Variants in SERPINB9 observed in about 807,000 individuals in gnomAD.
The protein encoded by SERPINB9 is serpin B9.
SERPINB9 carries 20 observed loss-of-function variants against 27.2 expected under a neutral mutation model. That is an observed-to-expected ratio of 0.74 (90% CI 0.52 to 1.07). The LOEUF is 1.07. Ranked by LOEUF, SERPINB9 falls within the 50% of genes least tolerant of loss-of-function variation. The probability of loss-of-function intolerance (pLI) is 0.00; values close to 1 mark genes in which losing one functional copy is unlikely to be tolerated. For missense variants in SERPINB9, 476 were observed against 460.1 expected, an observed-to-expected ratio of 1.03 and a Z score of -0.32; for synonymous variants, 189 against 180.0, an observed-to-expected ratio of 1.05 and a Z score of -0.40.
In SERPINB9 at chr6:2,894,627, G is replaced by A. The variant is rs1423921360; in HGVS notation, c.424+764C>T. On this transcript the variant is annotated intron_variant, in intron 4 of 6. Transcript: ENST00000380698. This position sits in a 1 kb window ranked among gnomAD's most constrained non-coding sequence, Gnocchi z 4.7. The stretch of plus-strand genomic sequence containing the variant: ...CAGCCCAAGTGTATACCTCAGGCAA[G>A]ATCTGTCCACCAATCTCCTTCTCGC... Among the ~76,000 whole-genome samples the A allele has an allele frequency of 3.3e-5, 5 of 152,332 alleles. No individual in the cohort carries two copies. Among genetic ancestry groups the A allele is most frequent in the Admixed American group, 2.0e-4 (3 of 15,304 alleles).
At chr6:2,898,088 C>G (rs1198473893) in intron 2 of SERPINB9, among the ~76,000 whole-genome samples, 1 of 149,968 alleles carries the variant, frequency 6.7e-6, no homozygotes, top group Non-Finnish European at 1.5e-5. Context: ...AAAAACAAAA[C>G]AAAACAAACA....
chr6:2,890,116 G>C lies in SERPINB9; in HGVS notation c.*47C>G. ...CTCTTGGAGCTGTAGTGGGGATCTG[G>C]GGACACAGGAAGAGGGAAATGGCCG... is the stretch of plus-strand genomic sequence containing the variant. On this transcript the variant is annotated 3_prime_UTR_variant, in exon 7 of 7. Transcript: ENST00000380698. The surrounding 1 kb of genome is among the most constrained non-coding windows in gnomAD (Gnocchi z 6.2). The C allele has an allele frequency of 1.3e-6, 2 of 1,572,696 alleles. No individual in the cohort carries two copies. Among genetic ancestry groups the C allele is most frequent in the Non-Finnish European group, 1.7e-6 (2 of 1,156,144 alleles).
chr6:2,894,236 T>G lies in SERPINB9; in HGVS notation c.425-683A>C, dbSNP rs1194828852. On this transcript the variant is annotated intron_variant, in intron 4 of 6. Transcript: ENST00000380698. The surrounding 1 kb of genome is among the most constrained non-coding windows in gnomAD (Gnocchi z 4.7). ...ATGCGGGAAACAACTGCTGAGACTT[T>G]AAGCGAAGAACGTCTCCCATTCTTT... Among the ~76,000 whole-genome samples the G allele has an allele frequency of 1.3e-5, 2 of 152,298 alleles. No individual in the cohort carries two copies. Among genetic ancestry groups the G allele is most frequent in the East Asian group, 1.9e-4 (1 of 5,186 alleles).
At chr6:2,897,322 C>T (rs370255148) in intron 2 of SERPINB9, among the ~76,000 whole-genome samples, 8 of 151,886 alleles carry the variant, frequency 5.3e-5, no homozygotes, top group African/African-American at 1.5e-4. Flanking sequence ...GAAAATTAGC[C>T]GGGTGTGGTG....
At position 2,890,561 on chromosome 6, in the gene SERPINB9, T is replaced by G. The variant is rs1561642904; in HGVS notation, c.733A>C (p.Ser245Arg). Reference sequence around the variant, plus strand: ...GCTGTGAGTTTCTCAAAAGTGAGACTTTTTTCCACCTGAAAGACCAGAATT... The same window carrying G: ...GCTGTGAGTTTCTCAAAAGTGAGACGTTTTTCCACCTGAAAGACCAGAATT... ...DGVELSTVEK[S>R]LTFEKLTAWT... The change falls in exon 7 of 7, where the codon AGT becomes CGT. Residue 245 changes from serine to arginine, a missense_variant. Coordinates refer to ENST00000380698, the MANE Select transcript of SERPINB9 (RefSeq NM_004155.6). This position sits in a 1 kb window ranked among gnomAD's most constrained non-coding sequence, Gnocchi z 6.2. The G allele has an allele frequency of 6.2e-7, 1 of 1,606,234 alleles. No homozygotes were observed. The highest frequency in any genetic ancestry group is 8.5e-7 in the Non-Finnish European group (1 of 1,173,922).
chr6:2,897,489 T>G (rs891442362), intron 2 of SERPINB9, among the ~76,000 whole-genome samples: 3 of 152,068 alleles, frequency 2.0e-5, no homozygotes, highest in East Asian at 3.9e-4. Flanking sequence ...ACAAACAAAT[T>G]CTTCTAAATA....
chr6:2,893,382 C>T (rs750222449), intron 5 of SERPINB9, 29 bp downstream of exon 5: 1 of 1,589,298 alleles, frequency 6.3e-7, no homozygotes, highest in Non-Finnish European at 8.6e-7. Context: ...CTTCATCAAA[C>T]TAGCAGGATT....
chr6:2,895,275 G>A, intron 4 of SERPINB9, 116 bp downstream of exon 4: 1 of 671,882 alleles, frequency 1.5e-6, no homozygotes, highest in Non-Finnish European at 2.7e-6. Context: ...GGAGAGGGAG[G>A]AGGGATAGGA....
rs368751460 is a variant in SERPINB9, at chr6:2,889,127, T to C, written c.*1036A>G. 2.6e-5 allele frequency: 4 copies of C among 152,320 alleles called. No homozygotes were observed. Among genetic ancestry groups the C allele is most frequent in the South Asian group, 2.1e-4 (1 of 4,828 alleles). The allele number at this position is 152,320 out of a possible 1,614,324, so 9.4% of individuals were successfully genotyped here. ...AAGGAAAAACTTCTCAAAGAAGAAT[T>C]TGAAGTGAGCTTTAAGGGTTGAATG... On this transcript the variant is annotated 3_prime_UTR_variant, in exon 7 of 7. Transcript: ENST00000380698.
chr6:2,898,088 CA>C (rs2113613548), intron 2 of SERPINB9, among the ~76,000 whole-genome samples: 1 of 150,084 alleles, frequency 6.7e-6, no homozygotes, highest in East Asian at 2.0e-4. Flanking sequence ...AAAAACAAAA[CA>C]AAACAAACAA....
chr6:2,902,896 A>G (rs754881558), intron 1 of SERPINB9, among the ~76,000 whole-genome samples: 1 of 152,200 alleles, frequency 6.6e-6, no homozygotes, highest in Non-Finnish European at 1.5e-5. Context: ...AAGAGCAGTG[A>G]GAACACAGGG....
chr6:2,899,801 G>A (rs773799061), intron 2 of SERPINB9: 8 of 332,602 alleles, frequency 2.4e-5, no homozygotes, highest in African/African-American at 1.3e-4. Context: ...TGATGAAGGC[G>A]TGTCCAGCGG....
chr6:2,900,474 T>G lies in SERPINB9; in HGVS notation c.138A>C (p.Ala46=), dbSNP rs1482680276. ...CCATCTGGGTTGCGGTGTTTCCCTTTGCCCCTAGGAGAACCATGGCCAGGG... is the reference window on the plus strand; with the variant it reads ...CCATCTGGGTTGCGGTGTTTCCCTTGGCCCCTAGGAGAACCATGGCCAGGG... ...SSALAMVLLG[A]KGNTATQMAQ... is the part of the protein sequence containing the mutation. Residue 46 remains alanine (A), a synonymous_variant, in exon 2 of 7, where the codon GCA becomes GCC. Transcript: ENST00000380698. 6.2e-7 allele frequency: 1 copy of G among 1,613,982 alleles called. No individual in the cohort carries two copies. Among genetic ancestry groups the G allele is most frequent in the Non-Finnish European group, 8.5e-7 (1 of 1,180,018 alleles).
In SERPINB9 at chr6:2,893,469, T is replaced by C. The variant is rs754685442; in HGVS notation, c.509A>G (p.Lys170Arg). 18 of 1,613,540 alleles carry C rather than the reference T, an allele frequency of 1.1e-5. No homozygotes were observed. In the Admixed American group the frequency reaches 2.3e-4, roughly 21 times the overall value. Residue 170 changes from lysine (K) to arginine (R), a missense_variant, in exon 5 of 7, where the codon AAG becomes AGG. Coordinates refer to ENST00000380698, the MANE Select transcript of SERPINB9 (RefSeq NM_004155.6). ...VLVNAIYFKG[K>R]WNEPFDETYT... ...TGTTTCGTCAAACGGTTCATTCCAC[T>C]TTCCTTTGAAGTAGATGGCATTGAC...
intron 4 of SERPINB9, 67 bp downstream of exon 4, chr6:2,895,324 G>T: frequency 2.0e-6 from 2 of 999,254 alleles, no homozygotes; most frequent in East Asian, 4.8e-5. Context: ...AGGCGGGAAG[G>T]AGGAATAGGA....
rs1208633438 is a variant in SERPINB9 at position 2,888,125 on chromosome 6, T to C, written c.*2038A>G. 2 of 152,160 alleles carry C rather than the reference T, an allele frequency of 1.3e-5. No homozygotes were observed. The highest frequency in any genetic ancestry group is 2.1e-4 in the South Asian group (1 of 4,832). The allele number at this position is 152,160 out of a possible 1,614,324, so 9.4% of individuals were successfully genotyped here. A position where few individuals can be genotyped will look rare whatever the true frequency, so the allele number is the denominator to read the frequency against. ...ATAAAAAACACAATGAGATACCACT[T>C]CACACCCACTAAGATGGCCATAACT... On this transcript the variant is annotated 3_prime_UTR_variant, in exon 7 of 7. Coordinates refer to ENST00000380698, the MANE Select transcript of SERPINB9 (RefSeq NM_004155.6).
In SERPINB9 at chr6:2,890,114, T is replaced by G; in HGVS notation, c.*49A>C. On this transcript the variant is annotated 3_prime_UTR_variant, in exon 7 of 7. Coordinates refer to ENST00000380698, the MANE Select transcript of SERPINB9 (RefSeq NM_004155.6). This position sits in a 1 kb window ranked among gnomAD's most constrained non-coding sequence, Gnocchi z 6.2. ...TCCTCTTGGAGCTGTAGTGGGGATC[T>G]GGGGACACAGGAAGAGGGAAATGGC... The G allele has an allele frequency of 1.3e-6, 2 of 1,570,524 alleles. No homozygotes were observed. The highest frequency in any genetic ancestry group is 1.7e-6 in the Non-Finnish European group (2 of 1,154,974).
intron 2 of SERPINB9, among the ~76,000 whole-genome samples, chr6:2,897,986 C>T (rs370765348): frequency 1.5e-4 from 23 of 152,048 alleles, no homozygotes; most frequent in African/African-American, 4.6e-4. Flanking sequence ...AGGAGAATCA[C>T]GTGAACTTGA....
Position 2,896,209 on chromosome 6 carries a change from T to G in SERPINB9, c.169-19A>C. ...ACAGTGCCTGTTGTGAAAGATAATT[T>G]TAAAAGTTATCAAGATAGCTCTTTG... On this transcript the variant is annotated intron_variant, in intron 2 of 6. Transcript: ENST00000380698. 1 of 1,610,666 alleles carries G rather than the reference T, an allele frequency of 6.2e-7. No individual in the cohort carries two copies. Among genetic ancestry groups the G allele is most frequent in the Non-Finnish European group, 8.5e-7 (1 of 1,178,628 alleles).
Sources: allele counts gnomAD v4.1 joint callset (sites outside exome capture counted in the v4.1 genomes callset), GRCh38; gene constraint gnomAD v4.1.1; non-coding constraint Gnocchi (gnomAD v3.1); transcripts MANE v1.5; gene names NCBI Gene and HGNC (gene_info 2026-07-23, HGNC 2026-07-21).